The following STK3 variants were observed in gnomAD, a reference collection of about 807,000 sequenced individuals.
The protein encoded by STK3 is serine/threonine-protein kinase 3.
A neutral mutation model predicts 58.0 loss-of-function variants in STK3; 41 were observed. That is an observed-to-expected ratio of 0.71 (90% confidence interval 0.55 to 0.92). The LOEUF (loss-of-function observed/expected upper bound fraction) is 0.92, where lower values mean the gene tolerates loss of function less well. Ranked by LOEUF, STK3 falls within the 40% of genes least tolerant of loss-of-function variation. STK3 has a pLI of 0.00. For missense variants in STK3, 479 were observed against 602.7 expected (o/e 0.79, Z 2.15); for synonymous variants, 170 against 191.0 (o/e 0.89, Z 0.91).
chr8:98,638,031 T>C (rs1285948653), intron 6 of STK3, among the ~76,000 whole-genome samples: 4 of 152,228 alleles, frequency 2.6e-5, no homozygotes, highest in Admixed American at 1.3e-4. Flanking sequence ...CTACTTTAGG[T>C]GTGTTTCTAG....
chr8:98,442,599 CT>C (rs1461740648), intron 1 of STK3, among the ~76,000 whole-genome samples: 1 of 152,234 alleles, frequency 6.6e-6, no homozygotes, highest in Admixed American at 6.5e-5. Context: ...GCACTTCTTA[CT>C]GTTAAACTCG....
chr8:98,650,661 T>TA (rs1820823700), intron 6 of STK3, among the ~76,000 whole-genome samples: 2 of 152,168 alleles, frequency 1.3e-5, no homozygotes, highest in Non-Finnish European at 2.9e-5. Flanking sequence ...CCGACGGGCT[T>TA]AAAAAACAGC....
At chr8:98,534,578 G>A (rs541064873) in intron 9 of STK3, among the ~76,000 whole-genome samples, 1 of 152,130 alleles carries the variant, frequency 6.6e-6, no homozygotes, top group African/African-American at 2.4e-5. Flanking sequence ...CTTCAACTTT[G>A]TTCCCTGAAA....
At chr8:98,841,751 A>T (rs1327809431) in intron 3 of STK3, among the ~76,000 whole-genome samples, 1 of 151,686 alleles carries the variant, frequency 6.6e-6, no homozygotes, top group South Asian at 2.1e-4. Flanking sequence ...TGACAGTTCT[A>T]TGGAAAATGG....
chr8:98,476,287 G>C (rs1821304257), intron 10 of STK3, among the ~76,000 whole-genome samples: 1 of 152,198 alleles, frequency 6.6e-6, no homozygotes, highest in Admixed American at 6.5e-5. Flanking sequence ...GTCCAGTGAA[G>C]AGACTTTTAT....
At chr8:98,685,537 C>T (rs1823926196) in intron 6 of STK3, among the ~76,000 whole-genome samples, 2 of 151,928 alleles carry the variant, frequency 1.3e-5, no homozygotes, top group Admixed American at 6.6e-5. Context: ...ACCTTAATCC[C>T]CAGTTTAGGG....
rs1012027116 is a variant in STK3, at chr8:98,501,923, T to C, written c.1317+24819A>G. On this transcript the variant is annotated intron_variant, in intron 10 of 10. Coordinates refer to ENST00000419617, the MANE Select transcript of STK3 (RefSeq NM_006281.4). ...GGTTCCATATGAACCTTAAGGTAGT[T>C]TTTTCCAATTCTGTGAAGAAAGGCA... is the stretch of plus-strand genomic sequence containing the variant. 4.6e-5 allele frequency among the ~76,000 whole-genome samples: 7 copies of C among 152,344 alleles called. No individual in the cohort carries two copies. In the East Asian group the frequency reaches 1.4e-3, roughly 29 times the overall value.
intron 4 of STK3, among the ~76,000 whole-genome samples, chr8:98,727,874 A>G (rs1827891461): frequency 6.6e-6 from 1 of 152,118 alleles, no homozygotes; most frequent in South Asian, 2.1e-4. Flanking sequence ...ATTCATTTTT[A>G]TGGCATAATC....
chr8:98,790,406 C>A (rs1439092079), intron 1 of STK3, among the ~76,000 whole-genome samples: 1 of 152,114 alleles, frequency 6.6e-6, no homozygotes, highest in Non-Finnish European at 1.5e-5. Flanking sequence ...TAAACAGAAT[C>A]GAACACGAAA....
intron 1 of STK3, among the ~76,000 whole-genome samples, chr8:98,778,522 A>G (rs1831870437): frequency 6.6e-6 from 1 of 152,142 alleles, no homozygotes; most frequent in Admixed American, 6.5e-5. Context: ...CAGCCATCCC[A>G]TTACTGGGTA....
At chr8:98,854,555 A>C (rs552431346) in intron 3 of STK3, among the ~76,000 whole-genome samples, 37 of 152,346 alleles carry the variant, frequency 2.4e-4, no homozygotes, top group African/African-American at 7.2e-4. Flanking sequence ...ATTAATATAC[A>C]AAAATTAATT....
chr8:98,347,375 C>T, the STK3 span, among the ~76,000 whole-genome samples: 25 of 151,514 alleles, frequency 1.7e-4, no homozygotes, highest in South Asian at 1.9e-3. Context: ...ATTAGCCGGG[C>T]GTGATGGCGG....
chr8:98,696,159 T>C (rs1824900312), intron 6 of STK3, among the ~76,000 whole-genome samples: 1 of 152,194 alleles, frequency 6.6e-6, no homozygotes, highest in Non-Finnish European at 1.5e-5. Context: ...GATTTGGCTG[T>C]CTGTTATTGG....
intron 2 of STK3, among the ~76,000 whole-genome samples, chr8:98,770,572 G>A (rs1831245338): frequency 6.6e-6 from 1 of 152,150 alleles, no homozygotes; most frequent in South Asian, 2.1e-4. Flanking sequence ...TGCTAAGTGA[G>A]CCTCAGTACA....
intron 6 of STK3, among the ~76,000 whole-genome samples, chr8:98,655,808 A>T (rs1821447284): frequency 1.3e-5 from 2 of 152,188 alleles, no homozygotes; most frequent in South Asian, 4.1e-4. Context: ...ACCAGTTAGA[A>T]TGGCGATCAT....
At chr8:98,834,330 T>G (rs1835669296) in intron 3 of STK3, among the ~76,000 whole-genome samples, 1 of 152,220 alleles carries the variant, frequency 6.6e-6, no homozygotes, top group East Asian at 1.9e-4. Context: ...GCTGCAATCT[T>G]CCAACTTGAC....
At chr8:98,695,135 T>A (rs549388765) in intron 6 of STK3, among the ~76,000 whole-genome samples, 72 of 152,362 alleles carry the variant, frequency 4.7e-4, no homozygotes, top group African/African-American at 1.7e-3. Flanking sequence ...GTTCTTTGGT[T>A]GCATAAATGT....
intron 4 of STK3, among the ~76,000 whole-genome samples, chr8:98,711,362 G>C (rs1826417885): frequency 6.6e-6 from 1 of 152,048 alleles, no homozygotes; most frequent in Admixed American, 6.6e-5. Context: ...TACGAACCCA[G>C]GCAAAGAAGT....
chr8:98,750,196 T>C (rs1829885267), intron 3 of STK3, among the ~76,000 whole-genome samples: 1 of 151,980 alleles, frequency 6.6e-6, no homozygotes, highest in African/African-American at 2.4e-5. Flanking sequence ...AAAGAGAACT[T>C]TGTGGAAGGG....
Sources: allele counts gnomAD v4.1 joint callset (sites outside exome capture counted in the v4.1 genomes callset), GRCh38; gene constraint gnomAD v4.1.1; transcripts MANE v1.5; gene names NCBI Gene and HGNC (gene_info 2026-07-23, HGNC 2026-07-21).